LHCGR: variants seen among roughly 807,000 people sequenced by gnomAD.
LHCGR encodes lutropin-choriogonadotropic hormone receptor.
In LHCGR, 55 loss-of-function variants were observed where a neutral mutation model predicts 60.7. The observed-to-expected ratio is 0.91, with a 90% CI of 0.73 to 1.13. The LOEUF (loss-of-function observed/expected upper bound fraction) is 1.13, where lower values mean the gene tolerates loss of function less well. Among genes scored for constraint, LHCGR ranks in the 50% most tolerant of loss-of-function variants. The pLI is 0.00. For synonymous variants in LHCGR, 337 were observed against 316.5 expected, an observed-to-expected ratio of 1.06 and a Z score of -0.69; for missense variants, 862 against 836.0, an observed-to-expected ratio of 1.03 and a Z score of -0.38.
At chr2:48,724,302 G>T (rs1668627291) in intron 4 of LHCGR, among the ~76,000 whole-genome samples, 1 of 152,344 alleles carries the variant, frequency 6.6e-6, no homozygotes, top group South Asian at 2.1e-4. Flanking sequence ...CTGAAGAGGA[G>T]AGAGGCTTAA....
Position 48,727,183 on chromosome 2 carries a change from C to G in LHCGR, c.309-1433G>C, listed in dbSNP as rs1042302410. Reference sequence around the variant, plus strand: ...TGGCGTGCATCTGTAGTCCCATCTACTTGGCAAGGAGGTGGGAGGATCACT... The same window carrying G: ...TGGCGTGCATCTGTAGTCCCATCTAGTTGGCAAGGAGGTGGGAGGATCACT... On this transcript the variant is annotated intron_variant, in intron 3 of 10. Transcript: ENST00000294954. Among the ~76,000 whole-genome samples, 17 of 151,912 alleles carry G rather than the reference C, an allele frequency of 1.1e-4. No homozygotes were observed. In the East Asian group the frequency reaches 3.3e-3, roughly 29 times the overall value.
intron 1 of LHCGR, among the ~76,000 whole-genome samples, chr2:48,749,643 G>A (rs186668444): frequency 2.3e-4 from 35 of 152,046 alleles, no homozygotes; most frequent in Non-Finnish European, 4.4e-4. Flanking sequence ...CCAACTGAGG[G>A]GCTTAGGAAG....
At chr2:48,698,823 G>A (rs1371540841) in intron 8 of LHCGR, 23 bp from the exon 9 acceptor site, 9 of 1,583,128 alleles carry the variant, frequency 5.7e-6, no homozygotes, top group East Asian at 2.3e-5. Context: ...GGGGAGAAAT[G>A]CTTTTTATTT....
intron 9 of LHCGR, among the ~76,000 whole-genome samples, chr2:48,696,624 C>T (rs1451707567): frequency 1.3e-5 from 2 of 152,118 alleles, no homozygotes; most frequent in Non-Finnish European, 2.9e-5. Context: ...CTCCTCCCTG[C>T]CCCCGCCAAG....
In LHCGR at chr2:48,690,101, G is replaced by A. The variant is rs73928206; in HGVS notation, c.948-1252C>T. Reference sequence around the variant, plus strand: ...GCTCTCTCCCTAGTCCATTCTGTATGTTCCTTCTAGAATGGCCTTTCCCAA... The same window carrying A: ...GCTCTCTCCCTAGTCCATTCTGTATATTCCTTCTAGAATGGCCTTTCCCAA... On this transcript the variant is annotated intron_variant, in intron 10 of 10. Transcript: ENST00000294954. Among the ~76,000 whole-genome samples the A allele has an allele frequency of 8.9e-3, 1,358 of 152,276 alleles. 26 individuals are homozygous for A. The highest frequency in any genetic ancestry group is 0.031 in the African/African-American group (1,274 of 41,546).
chr2:48,723,387 TC>T, intron 6 of LHCGR, 68 bp downstream of exon 6: 1 of 1,089,362 alleles, frequency 9.2e-7, no homozygotes, highest in South Asian at 1.3e-5. Context: ...GAGAAAAAGC[TC>T]ACCCCAACCT....
At chr2:48,698,540 T>A (rs1481783570) in intron 9 of LHCGR, 75 bp downstream of exon 9, 7 of 1,203,108 alleles carry the variant, frequency 5.8e-6, no homozygotes, top group South Asian at 1.2e-5. Flanking sequence ...AGTGGAGCTG[T>A]CTACTCATTG....
chr2:48,721,746 C>G (rs1668508165), intron 6 of LHCGR: 3 of 471,018 alleles, frequency 6.4e-6, no homozygotes, highest in African/African-American at 2.0e-5. Context: ...TAAGGGTGAG[C>G]TCCTTTATTG....
intron 1 of LHCGR, among the ~76,000 whole-genome samples, chr2:48,748,482 T>C (rs970739315): frequency 6.6e-6 from 1 of 152,268 alleles, no homozygotes; most frequent in African/African-American, 2.4e-5. Context: ...GGCCAGAAAT[T>C]AGACTCAAGG....
intron 4 of LHCGR, among the ~76,000 whole-genome samples, chr2:48,724,689 G>A (rs1485674296): frequency 6.6e-6 from 1 of 152,176 alleles, no homozygotes; most frequent in African/African-American, 2.4e-5. Context: ...GGTTCTGGGA[G>A]TTTCTTATGT....
At chr2:48,689,905 G>A (rs1274270715) in intron 10 of LHCGR, among the ~76,000 whole-genome samples, 2 of 152,060 alleles carry the variant, frequency 1.3e-5, no homozygotes, top group African/African-American at 2.4e-5. Flanking sequence ...TAGTAGAAAC[G>A]GGGTTTCACC....
At position 48,731,281 on chromosome 2, in the gene LHCGR, G is replaced by C. The variant is rs1268787455; in HGVS notation, c.179C>G (p.Pro60Arg). 1 of 1,611,430 alleles carries C rather than the reference G, an allele frequency of 6.2e-7. No individual in the cohort carries two copies. The highest frequency in any genetic ancestry group is 8.5e-7 in the Non-Finnish European group (1 of 1,178,452). The change falls in exon 2 of 11, where the codon CCT becomes CGT. Residue 60 changes from proline (P) to arginine (R), a missense_variant. Coordinates refer to ENST00000294954, the MANE Select transcript of LHCGR (RefSeq NM_000233.4). ...AGCTTGAGATGGGATCACTTTGACA[G>C]GGAGGTAGGCAAGTGATCTAGAAAA... Reference protein sequence around the residue: ...GLTRLSLAYLPVKVIPSQAFR... With the variant: ...GLTRLSLAYLRVKVIPSQAFR...
chr2:48,743,408 C>G (rs1317029513), intron 1 of LHCGR, among the ~76,000 whole-genome samples: 1 of 152,114 alleles, frequency 6.6e-6, no homozygotes, highest in Admixed American at 6.6e-5. Flanking sequence ...AATTTTAGAC[C>G]AATATCCTTG....
chr2:48,726,439 G>A (rs1016770445), intron 3 of LHCGR, among the ~76,000 whole-genome samples: 1 of 152,122 alleles, frequency 6.6e-6, no homozygotes, highest in African/African-American at 2.4e-5. Context: ...ATGAGGCAGG[G>A]TTTGGCAAAG....
chr2:48,692,573 T>C (rs1292578727), intron 10 of LHCGR, among the ~76,000 whole-genome samples: 2 of 152,186 alleles, frequency 1.3e-5, no homozygotes, highest in Non-Finnish European at 2.9e-5. Flanking sequence ...TTAGAGGCTA[T>C]GTGGGGAGTA....
At chr2:48,717,930 T>G (rs935323930) in intron 6 of LHCGR, among the ~76,000 whole-genome samples, 2 of 151,684 alleles carry the variant, frequency 1.3e-5, no homozygotes, top group Non-Finnish European at 2.9e-5. Context: ...TCTTGTCTCT[T>G]TTCTTACCGG....
intron 2 of LHCGR, among the ~76,000 whole-genome samples, chr2:48,730,975 A>G (rs1021898246): frequency 5.9e-5 from 9 of 152,180 alleles, no homozygotes; most frequent in Non-Finnish European, 7.4e-5. Context: ...CTTAAAAGGT[A>G]TATCATCACT....
intron 8 of LHCGR, among the ~76,000 whole-genome samples, chr2:48,703,840 C>G (rs893205965): frequency 6.6e-6 from 1 of 152,316 alleles, no homozygotes; most frequent in East Asian, 1.9e-4. Flanking sequence ...CAAACAGAGA[C>G]AATTTGACTT....
chr2:48,745,604 C>T (rs1669663369), intron 1 of LHCGR, among the ~76,000 whole-genome samples: 1 of 149,104 alleles, frequency 6.7e-6, no homozygotes, highest in African/African-American at 2.5e-5. Context: ...GAACAAAAAA[C>T]CAAACACCGC....
Sources: allele counts gnomAD v4.1 joint callset (sites outside exome capture counted in the v4.1 genomes callset), GRCh38; gene constraint gnomAD v4.1.1; transcripts MANE v1.5; gene names NCBI Gene and HGNC (gene_info 2026-07-23, HGNC 2026-07-21).